PHEX: variants seen among roughly 807,000 people sequenced by gnomAD.
The protein encoded by PHEX is phosphate-regulating neutral endopeptidase PHEX.
Under a neutral mutation model 68.0 loss-of-function variants are expected in PHEX, and 16 were observed. That is an observed-to-expected ratio of 0.24 (90% confidence interval 0.16 to 0.36). PHEX has a LOEUF of 0.36. Ranked by LOEUF, PHEX falls within the 10% of genes least tolerant of loss-of-function variation. The probability of loss-of-function intolerance (pLI) is 1.00; values close to 1 mark genes in which losing one functional copy is unlikely to be tolerated. For synonymous variants in PHEX, 208 were observed against 205.1 expected (o/e 1.01, Z -0.12); for missense variants, 480 against 575.5 (o/e 0.83, Z 1.70).
At chrX:22,186,440 A>G (rs1934036606) in intron 14 of PHEX, among the ~76,000 whole-genome samples, 1 of 112,725 alleles carries the variant, frequency 8.9e-6, no homozygotes, top group Non-Finnish European at 1.9e-5. Flanking sequence ...AGTGTAAAAA[A>G]GTTCACAAAC....
chrX:22,155,043 C>T (rs1006215177), intron 12 of PHEX, among the ~76,000 whole-genome samples: 2 of 112,442 alleles, frequency 1.8e-5, no homozygotes, highest in African/African-American at 6.5e-5. Context: ...TCCCACGTAG[C>T]TGGGATTACA....
chrX:22,036,733 T>G (rs1927037113), intron 1 of PHEX, among the ~76,000 whole-genome samples: 2 of 68,535 alleles, frequency 2.9e-5, no homozygotes, highest in South Asian at 5.7e-4. Context: ...TTACATAACT[T>G]TTTTTTTTTT....
At chrX:22,241,867 A>G (rs1936210715) in intron 20 of PHEX, among the ~76,000 whole-genome samples, 1 of 112,357 alleles carries the variant, frequency 8.9e-6, no homozygotes, top group Non-Finnish European at 1.9e-5. Flanking sequence ...AGCTGGCACC[A>G]TTCCTTCTGA....
rs1930172434 is a variant in PHEX at position 22,097,037 on chromosome X, A to G, written c.932A>G (p.Gln311Arg). The G allele has an allele frequency of 3.4e-6, 4 of 1,170,378 alleles. No individual in the cohort carries two copies. Among genetic ancestry groups the G allele is most frequent in the Admixed American group, 2.2e-5 (1 of 45,798 alleles). Residue 311 changes from glutamine to arginine, a missense_variant and splice_region_variant, in exon 8 of 22, where the codon CAG becomes CGG. Gln to Arg is a conservative substitution (Grantham distance 43). Coordinates refer to ENST00000379374, the MANE Select transcript of PHEX (RefSeq NM_000444.6). ...TCTGAACTGAGTGCTATGATTCCCCAGGTTGGTGAAAACTATCCAGAAAAC... is the reference window on the plus strand; with the variant it reads ...TCTGAACTGAGTGCTATGATTCCCCGGGTTGGTGAAAACTATCCAGAAAAC... ...NISELSAMIP[Q>R]FDWLGYIKKV... is the part of the protein sequence containing the mutation.
At chrX:22,210,114 C>T (rs1305647806) in intron 15 of PHEX, among the ~76,000 whole-genome samples, 1 of 111,780 alleles carries the variant, frequency 8.9e-6, no homozygotes, top group Non-Finnish European at 1.9e-5. Context: ...ATTGAGTTGA[C>T]CCTGTAGGAT....
chrX:22,062,086 G>A (rs1259005471), intron 3 of PHEX, among the ~76,000 whole-genome samples: 1 of 111,038 alleles, frequency 9.0e-6, no homozygotes, highest in Non-Finnish European at 1.9e-5. Flanking sequence ...CAGCATGGGG[G>A]AAGAATGCCC....
chrX:22,216,516 T>TGC (rs1935100322), intron 16 of PHEX, among the ~76,000 whole-genome samples: 1 of 107,901 alleles, frequency 9.3e-6, no homozygotes, highest in Non-Finnish European at 1.9e-5. Context: ...TATTTATTTA[T>TGC]TTATTTATTT....
Position 22,032,933 on chromosome X carries a change from G to T in PHEX, c.-73G>T, listed in dbSNP as rs1926860842. On this transcript the variant is annotated 5_prime_UTR_variant, in exon 1 of 22. Coordinates refer to ENST00000379374, the MANE Select transcript of PHEX (RefSeq NM_000444.6). ...GAGCAAGAAAGCCTTGGATGTCAAC[G>T]CCTCGCTCTTGAGACCAGCCACCAA... 2 of 756,269 alleles carry T rather than the reference G, an allele frequency of 2.6e-6. No homozygotes were observed. The highest frequency in any genetic ancestry group is 4.2e-6 in the Non-Finnish European group (2 of 480,337). The allele number at this position is 756,269 out of a possible 1,213,427, so 62.3% of individuals were successfully genotyped here. A position where few individuals can be genotyped will look rare whatever the true frequency, so the allele number is the denominator to read the frequency against.
Position 22,222,706 on chromosome X carries a change from T to A in PHEX, c.1899+963T>A, listed in dbSNP as rs142644673. Among the ~76,000 whole-genome samples the A allele has an allele frequency of 4.0e-3, 446 of 112,093 alleles. 3 individuals carry two copies. The highest frequency in any genetic ancestry group is 0.013 in the African/African-American group (401 of 30,875). Reference sequence around the variant, plus strand: ...TTTCTTGGAGGAAGGGAATTTATATTTCCTGATGATTAGTATATACAGGCA... The same window carrying A: ...TTTCTTGGAGGAAGGGAATTTATATATCCTGATGATTAGTATATACAGGCA... On this transcript the variant is annotated intron_variant, in intron 18 of 21. Transcript: ENST00000379374.
At chrX:22,181,804 G>T (rs1383274577) in intron 14 of PHEX, among the ~76,000 whole-genome samples, 1 of 111,401 alleles carries the variant, frequency 9.0e-6, no homozygotes. Context: ...CTTTAGTTAA[G>T]TTTATTCCTA....
chrX:22,053,688 G>A (rs1452420060), intron 3 of PHEX, among the ~76,000 whole-genome samples: 1 of 111,787 alleles, frequency 8.9e-6, no homozygotes, highest in Non-Finnish European at 1.9e-5. Context: ...GAACACTTAT[G>A]TCACACAGAA....
intron 12 of PHEX, among the ~76,000 whole-genome samples, chrX:22,154,980 C>T (rs955508061): frequency 1.8e-5 from 2 of 112,462 alleles, no homozygotes; most frequent in Admixed American, 1.9e-4. Context: ...GGCATGATAT[C>T]GGCTCACTGC....
intron 1 of PHEX, among the ~76,000 whole-genome samples, chrX:22,037,869 C>G (rs184109375): frequency 1.0e-3 from 114 of 111,533 alleles, no homozygotes; most frequent in South Asian, 3.0e-3. Flanking sequence ...ACTCTAAAAG[C>G]CAAACATGCT....
At chrX:22,182,205 G>A (rs1933901957) in intron 14 of PHEX, among the ~76,000 whole-genome samples, 1 of 111,703 alleles carries the variant, frequency 9.0e-6, no homozygotes. Flanking sequence ...ACTAACTGTG[G>A]CTCTGTCATA....
Position 22,227,405 on chromosome X carries a change from T to C in PHEX, c.1966-102T>C, listed in dbSNP as rs139271216. 838 of 575,189 alleles carry C rather than the reference T, an allele frequency of 1.5e-3. 5 individuals are homozygous for C. The African/African-American group carries it at 0.016, about 11-fold the overall frequency. 47.4% of individuals were successfully genotyped at this position (575,189 alleles called of 1,213,427 possible). A position where few individuals can be genotyped will look rare whatever the true frequency, so the allele number is the denominator to read the frequency against. On this transcript the variant is annotated intron_variant, in intron 19 of 21. Transcript: ENST00000379374. The stretch of plus-strand genomic sequence containing the variant: ...CTTAAGAAAATTTTGACATGATGCA[T>C]TTTGCACGTGGCAGGAGTATATATT...
In PHEX at chrX:22,172,189, C is replaced by T. The variant is rs1223430281; in HGVS notation, c.1482+3800C>T. ...GAACCCCCATCAACATGCAGGAAAGCCTGTTAGCCTAAAAAGGTAGGCATG... is the reference window on the plus strand; with the variant it reads ...GAACCCCCATCAACATGCAGGAAAGTCTGTTAGCCTAAAAAGGTAGGCATG... On this transcript the variant is annotated intron_variant, in intron 13 of 21. Coordinates refer to ENST00000379374, the MANE Select transcript of PHEX (RefSeq NM_000444.6). 3 of 111,628 alleles carry T rather than the reference C, an allele frequency of 2.7e-5. No homozygotes were observed. The East Asian group carries it at 8.4e-4, about 31-fold the overall frequency. The allele number at this position is 111,628 out of a possible 1,213,427, so 9.2% of individuals were successfully genotyped here.
intron 2 of PHEX, among the ~76,000 whole-genome samples, chrX:22,042,769 G>C (rs912714195): frequency 8.9e-6 from 1 of 111,742 alleles, no homozygotes; most frequent in African/African-American, 3.3e-5. Context: ...CAACCCCAAG[G>C]GGGAGGTTGC....
chrX:22,185,746 C>A (rs1288425042), intron 14 of PHEX, among the ~76,000 whole-genome samples: 7 of 84,697 alleles, frequency 8.3e-5, no homozygotes, highest in Non-Finnish European at 1.1e-4. Context: ...CTGCATGGTT[C>A]TCGTTTGTGG....
At chrX:22,119,561 T>A (rs989757096) in intron 11 of PHEX, among the ~76,000 whole-genome samples, 2 of 110,246 alleles carry the variant, frequency 1.8e-5, no homozygotes, top group African/African-American at 3.3e-5. Flanking sequence ...CCTTTATTTA[T>A]TTTTATTTTT....
Sources: gnomAD v4.1 joint callset for allele counts (sites outside exome capture counted in the v4.1 genomes callset) on GRCh38, gnomAD v4.1.1 for gene constraint, MANE v1.5 for transcripts, NCBI Gene and HGNC (gene_info 2026-07-23, HGNC 2026-07-21) for gene names.